Variants in RPA1 observed in about 807,000 individuals in gnomAD.
The protein encoded by RPA1 is replication protein A 70 kDa DNA-binding subunit.
RPA1 carries 49 observed loss-of-function variants against 83.0 expected under a neutral mutation model. That is an observed-to-expected ratio of 0.59 (90% CI 0.47 to 0.75). The LOEUF (loss-of-function observed/expected upper bound fraction) is 0.75. RPA1 is among the 30% of genes least tolerant of loss of function. The pLI, the probability that RPA1 is intolerant of heterozygous loss-of-function variation, is 0.00. For synonymous variants in RPA1, 279 were observed against 281.8 expected (o/e 0.99, Z 0.10); for missense variants, 693 against 776.1 (o/e 0.89, Z 1.27).
chr17:1,885,200 A>G (rs186318095), intron 13 of RPA1, among the ~76,000 whole-genome samples: 2 of 152,312 alleles, frequency 1.3e-5, no homozygotes, highest in East Asian at 3.9e-4. Flanking sequence ...CGTTCTCACC[A>G]CAAGAGATTT....
chr17:1,856,110 G>A (rs1214781183), intron 5 of RPA1, among the ~76,000 whole-genome samples: 6 of 152,040 alleles, frequency 3.9e-5, no homozygotes, highest in African/African-American at 9.7e-5. Context: ...GATCGCTTGC[G>A]CTTGGGAGTT....
intron 5 of RPA1, among the ~76,000 whole-genome samples, chr17:1,866,679 T>G (rs1567815258): frequency 6.6e-6 from 1 of 152,260 alleles, no homozygotes; most frequent in Non-Finnish European, 1.5e-5. Context: ...CAGGCTGGTC[T>G]CAAACTCCTG....
chr17:1,841,990 A>T (rs1188252114), intron 1 of RPA1, among the ~76,000 whole-genome samples: 1 of 151,990 alleles, frequency 6.6e-6, no homozygotes, highest in African/African-American at 2.4e-5. Context: ...TATCCATTTT[A>T]TATAGTGCTG....
chr17:1,848,773 C>T (rs2151273375), intron 4 of RPA1, among the ~76,000 whole-genome samples: 1 of 152,060 alleles, frequency 6.6e-6, no homozygotes, highest in Admixed American at 6.5e-5. Flanking sequence ...ACCATCTTGG[C>T]CAGGCTGGCC....
At chr17:1,858,603 A>G (rs528294543) in intron 5 of RPA1, among the ~76,000 whole-genome samples, 8 of 152,066 alleles carry the variant, frequency 5.3e-5, no homozygotes, top group Non-Finnish European at 8.8e-5. Flanking sequence ...AGCTGGGACT[A>G]TTGGTGTGTG....
intron 16 of RPA1, among the ~76,000 whole-genome samples, chr17:1,895,661 ATTTATTTATTTATTTAT>A (rs533635895): frequency 0.046 from 1,265 of 27,678 alleles, 20 homozygotes; most frequent in Middle Eastern, 0.24. Context: ...ACCATATAGT[ATTTATTTATTTATTTAT>A]TTATTTATTT....
intron 6 of RPA1, among the ~76,000 whole-genome samples, chr17:1,874,028 T>TAC (rs1270241119): frequency 0.1 from 10,477 of 102,046 alleles, 618 homozygotes; most frequent in Admixed American, 0.13. Flanking sequence ...TATATATATA[T>TAC]ATATACACAC....
At chr17:1,895,255 A>T (rs1914361844) in intron 16 of RPA1, among the ~76,000 whole-genome samples, 160 bp downstream of exon 16, 1 of 150,714 alleles carries the variant, frequency 6.6e-6, no homozygotes, top group South Asian at 2.1e-4. Flanking sequence ...CCATTTTCAG[A>T]TGAGGAAGGA....
In RPA1 at chr17:1,838,375, G is replaced by A. The variant is rs949383579; in HGVS notation, c.34-4428G>A. On this transcript the variant is annotated intron_variant, in intron 1 of 16. Transcript: ENST00000254719. ...TCCCAGCACTTTGGGAGGCAAAGCC[G>A]GGCAGAACACCTGAGGTCAGGAGTT... 3.4e-4 allele frequency among the ~76,000 whole-genome samples: 51 copies of A among 151,570 alleles called. 1 individual carries two copies. Among genetic ancestry groups the A allele is most frequent in the African/African-American group, 1.2e-3 (50 of 41,318 alleles).
intron 1 of RPA1, among the ~76,000 whole-genome samples, chr17:1,832,602 G>T (rs2151264479): frequency 6.6e-6 from 1 of 151,990 alleles, no homozygotes; most frequent in East Asian, 1.9e-4. Flanking sequence ...GGCCAGGCTG[G>T]TCTCGAACTC....
At position 1,899,843 on chromosome 17, in the gene RPA1, A is replaced by G. The variant is rs1914582745; in HGVS notation, c.*2668A>G. On this transcript the variant is annotated 3_prime_UTR_variant, in exon 17 of 17. Transcript: ENST00000254719. ...TGTTTGGTCTCCTTTTCTTCTTTTC[A>G]CCTGTTAGAAGGCCACTATTCCCCT... The G allele has an allele frequency of 6.6e-6, 1 of 151,992 alleles. No individual in the cohort carries two copies. Among genetic ancestry groups the G allele is most frequent in the South Asian group, 2.1e-4 (1 of 4,822 alleles). The allele number at this position is 151,992 out of a possible 1,614,324, so 9.4% of individuals were successfully genotyped here. A position where few individuals can be genotyped will look rare whatever the true frequency, so the allele number is the denominator to read the frequency against.
chr17:1,852,851 G>A (rs1300846957), intron 4 of RPA1, among the ~76,000 whole-genome samples: 4 of 152,140 alleles, frequency 2.6e-5, no homozygotes, highest in Admixed American at 6.6e-5. Context: ...TTCTTACCAT[G>A]TCGGTTGGCT....
chr17:1,880,896 A>G (rs1405052597), intron 12 of RPA1, among the ~76,000 whole-genome samples: 1 of 152,224 alleles, frequency 6.6e-6, no homozygotes, highest in African/African-American at 2.4e-5. Context: ...GGACAAACCT[A>G]GAGAGTCGGA....
In RPA1 at chr17:1,881,557, G is replaced by A. The variant is rs537164668; in HGVS notation, c.1241+866G>A. On this transcript the variant is annotated intron_variant, in intron 12 of 16. Coordinates refer to ENST00000254719, the MANE Select transcript of RPA1 (RefSeq NM_002945.5). ...ACGTATCTGCCGAACTGCAGGGCCC[G>A]TTCATAGTCTGACCAGAACTAGCCA... Among the ~76,000 whole-genome samples, 73 of 152,244 alleles carry A rather than the reference G, an allele frequency of 4.8e-4. 2 individuals carry two copies. The highest frequency in any genetic ancestry group is 6.8e-3 in the Middle Eastern group (2 of 294).
chr17:1,877,333 G>A lies in RPA1; in HGVS notation c.690+19G>A, dbSNP rs41543120. The A allele has an allele frequency of 1.1e-3, 1,849 of 1,608,178 alleles. 5 individuals carry two copies. The highest frequency in any genetic ancestry group is 1.7e-3 in the South Asian group (156 of 90,784). ...CGAAAGTGTGAGTGTTTGTCATGCTGGGGAGTGAGGGCAGTGGGCTCGCCG... is the reference window on the plus strand; with the variant it reads ...CGAAAGTGTGAGTGTTTGTCATGCTAGGGAGTGAGGGCAGTGGGCTCGCCG... On this transcript the variant is annotated intron_variant, in intron 8 of 16. Transcript: ENST00000254719.
intron 16 of RPA1, among the ~76,000 whole-genome samples, chr17:1,895,478 C>T (rs1009351072): frequency 2.6e-5 from 4 of 150,970 alleles, no homozygotes; most frequent in Non-Finnish European, 4.4e-5. Flanking sequence ...GTATATGAGC[C>T]GGGCGTGGTG....
intron 5 of RPA1, among the ~76,000 whole-genome samples, chr17:1,864,086 A>C (rs1346731487): frequency 2.0e-5 from 3 of 152,220 alleles, no homozygotes. Flanking sequence ...TCCGCTGTGT[A>C]TCTCCTCCTT....
At chr17:1,874,807 C>T (rs755690512) in intron 6 of RPA1, among the ~76,000 whole-genome samples, 4 of 152,104 alleles carry the variant, frequency 2.6e-5, no homozygotes, top group African/African-American at 7.2e-5. Flanking sequence ...ACTACGAATG[C>T]CTAGAAGGGT....
At chr17:1,880,430 A>G (rs1028007164) in intron 11 of RPA1, 113 bp from the exon 12 acceptor site, 1 of 1,103,586 alleles carries the variant, frequency 9.1e-7, no homozygotes, top group African/African-American at 1.5e-5. Context: ...TATGGATTCC[A>G]TGTACGCTGA....
Sources: gnomAD v4.1 joint callset for allele counts (sites outside exome capture counted in the v4.1 genomes callset) on GRCh38, gnomAD v4.1.1 for gene constraint, MANE v1.5 for transcripts, NCBI Gene and HGNC (gene_info 2026-07-23, HGNC 2026-07-21) for gene names.